MAP3K5: variants seen among roughly 807,000 people sequenced by gnomAD.
MAP3K5 encodes ASK-1.
MAP3K5 carries 56 observed loss-of-function variants against 158.7 expected under a neutral mutation model. The ratio of observed to expected loss-of-function variants is 0.35; its 90% CI spans 0.28 to 0.44. The LOEUF is 0.44. MAP3K5 is among the 20% of genes least tolerant of loss of function. The pLI, the probability that MAP3K5 is intolerant of heterozygous loss-of-function variation, is 1.00. For missense variants in MAP3K5, 1,294 were observed against 1,674.8 expected, an observed-to-expected ratio of 0.77 and a Z score of 3.97; for synonymous variants, 579 against 601.7, an observed-to-expected ratio of 0.96 and a Z score of 0.55.
intron 25 of MAP3K5, among the ~76,000 whole-genome samples, chr6:136,575,274 A>G (rs1483812261): frequency 6.8e-6 from 1 of 147,108 alleles, no homozygotes; most frequent in African/African-American, 2.5e-5. Context: ...TGATCCTCTC[A>G]CCTCAGCCTC....
chr6:136,588,838 T>C (rs1027945711), intron 23 of MAP3K5, among the ~76,000 whole-genome samples: 1 of 152,178 alleles, frequency 6.6e-6, no homozygotes, highest in South Asian at 2.1e-4. Context: ...TCATCCTCCC[T>C]GGACTCAGAG....
chr6:136,613,286 T>A lies in MAP3K5; in HGVS notation c.2279-30A>T, dbSNP rs768290020. The stretch of plus-strand genomic sequence containing the variant: ...AAAGTAGGGATAAATAGTAAATAAA[T>A]CCTCATTCAAATGAGCTCTTTAAAG... On this transcript the variant is annotated intron_variant, in intron 16 of 29. Coordinates refer to ENST00000359015, the MANE Select transcript of MAP3K5 (RefSeq NM_005923.4). The surrounding 1 kb of genome is among the most constrained non-coding windows in gnomAD (Gnocchi z 4.0). 6.3e-7 allele frequency: 1 copy of A among 1,595,454 alleles called. No individual in the cohort carries two copies. Among genetic ancestry groups the A allele is most frequent in the Non-Finnish European group, 8.5e-7 (1 of 1,170,312 alleles).
At chr6:136,588,991 C>T (rs181775152) in intron 23 of MAP3K5, among the ~76,000 whole-genome samples, 3 of 152,194 alleles carry the variant, frequency 2.0e-5, no homozygotes, top group African/African-American at 7.2e-5. Context: ...TGAGGCCCTA[C>T]TGGCACATAT....
chr6:136,702,978 G>A (rs1280851121), intron 3 of MAP3K5, among the ~76,000 whole-genome samples: 3 of 152,160 alleles, frequency 2.0e-5, no homozygotes, highest in Non-Finnish European at 4.4e-5. Context: ...TTACAGGCAT[G>A]AGCCACTGCC....
At chr6:136,718,010 T>C (rs1204211947) in intron 2 of MAP3K5, among the ~76,000 whole-genome samples, 1 of 152,158 alleles carries the variant, frequency 6.6e-6, no homozygotes, top group South Asian at 2.1e-4. Flanking sequence ...TAATTTTAAC[T>C]AGAAGTAACT....
intron 18 of MAP3K5, among the ~76,000 whole-genome samples, chr6:136,610,138 C>G (rs1043750344): frequency 6.6e-6 from 1 of 151,886 alleles, no homozygotes; most frequent in Non-Finnish European, 1.5e-5. Context: ...TTCCCCTTAC[C>G]CTTTTTTTTT....
chr6:136,759,721 C>T (rs1345050483), intron 1 of MAP3K5, among the ~76,000 whole-genome samples: 1 of 150,810 alleles, frequency 6.6e-6, no homozygotes, highest in Non-Finnish European at 1.5e-5. Flanking sequence ...GATCTGCTCA[C>T]CTCAGGATTA....
chr6:136,773,216 C>A (rs948805396), intron 1 of MAP3K5, among the ~76,000 whole-genome samples: 10 of 152,318 alleles, frequency 6.6e-5, no homozygotes, highest in Admixed American at 4.6e-4. Flanking sequence ...CTCATCCCAT[C>A]TGAGGCATGA....
intron 1 of MAP3K5, among the ~76,000 whole-genome samples, chr6:136,728,095 G>T (rs945075406): frequency 1.3e-5 from 2 of 152,102 alleles, no homozygotes; most frequent in Non-Finnish European, 2.9e-5. Flanking sequence ...TTAAGTGGAG[G>T]ATAACACAAG....
At chr6:136,753,494 A>C (rs1465963076) in intron 1 of MAP3K5, among the ~76,000 whole-genome samples, 1 of 151,828 alleles carries the variant, frequency 6.6e-6, no homozygotes, top group South Asian at 2.1e-4. Context: ...CACCACAGAT[A>C]GTATTTTTTT....
At chr6:136,694,104 C>G in intron 7 of MAP3K5, 36 bp downstream of exon 7, 3 of 1,535,370 alleles carry the variant, frequency 2.0e-6, no homozygotes, top group Non-Finnish European at 2.7e-6. Context: ...CATGGATTTA[C>G]TAAGTAAGTA....
rs201678646 is a variant in MAP3K5 at position 136,592,531 on chromosome 6, C to T, written c.2962G>A (p.Asp988Asn). The change falls in exon 22 of 30, where the codon GAC (aspartate) becomes AAC (asparagine). Residue 988 changes from aspartate (D) to asparagine (N), a missense_variant. By Grantham distance (23) the Asp-to-Asn change is conservative. This residue lies in a region of MAP3K5 where 362 missense variants were observed against 463.2 expected (regional missense o/e 0.78). Coordinates refer to ENST00000359015, the MANE Select transcript of MAP3K5 (RefSeq NM_005923.4). ...AAGGGGTCCACTTTCAACTCCGTGT[C>T]GGGTGAAACTGAGCCGTACTCACTG... is the stretch of plus-strand genomic sequence containing the variant. ...SSSEYGSVSP[D>N]TELKVDPFSF... The T allele has an allele frequency of 1.5e-4, 248 of 1,613,908 alleles. 1 individual carries two copies. Among genetic ancestry groups the T allele is most frequent in the African/African-American group, 2.7e-5 (2 of 74,982 alleles).
chr6:136,771,358 GAC>G (rs970473611), intron 1 of MAP3K5, among the ~76,000 whole-genome samples: 18 of 152,086 alleles, frequency 1.2e-4, no homozygotes, highest in Non-Finnish European at 4.4e-5. Flanking sequence ...GTGGGGCTTG[GAC>G]ACCGGACCAG....
intron 1 of MAP3K5, among the ~76,000 whole-genome samples, chr6:136,745,627 A>G (rs530267915): frequency 1.3e-5 from 2 of 152,072 alleles, no homozygotes; most frequent in African/African-American, 4.8e-5. Flanking sequence ...TGGACTCTAA[A>G]AATAAAATTC....
intron 15 of MAP3K5, among the ~76,000 whole-genome samples, chr6:136,620,008 G>A (rs1012064620): frequency 5.3e-5 from 8 of 152,156 alleles, no homozygotes; most frequent in South Asian, 2.1e-4. Flanking sequence ...GGTGGCTCAC[G>A]CCTATAATCC....
chr6:136,620,061 G>A (rs1776734942), intron 15 of MAP3K5, among the ~76,000 whole-genome samples: 1 of 152,194 alleles, frequency 6.6e-6, no homozygotes, highest in East Asian at 1.9e-4. Context: ...CTTGAGGGCA[G>A]GAGTTCGAGA....
intron 1 of MAP3K5, among the ~76,000 whole-genome samples, chr6:136,730,695 C>T (rs1275651830): frequency 6.9e-6 from 1 of 144,522 alleles, no homozygotes; most frequent in Admixed American, 7.1e-5. Context: ...GTACTCCAGC[C>T]TGGGAGATAG....
chr6:136,587,290 C>T (rs1562525890), intron 23 of MAP3K5, among the ~76,000 whole-genome samples: 1 of 152,088 alleles, frequency 6.6e-6, no homozygotes, highest in Non-Finnish European at 1.5e-5. Context: ...ATAATTACTT[C>T]TGATTGATTG....
intron 21 of MAP3K5, among the ~76,000 whole-genome samples, chr6:136,596,193 C>A (rs1002182863): frequency 6.6e-6 from 1 of 152,008 alleles, no homozygotes; most frequent in Non-Finnish European, 1.5e-5. Context: ...GATGAACAGG[C>A]AGCCAAGGAG....
Sources: allele counts gnomAD v4.1 joint callset (sites outside exome capture counted in the v4.1 genomes callset), GRCh38; gene constraint gnomAD v4.1.1; regional missense constraint gnomAD v4.1.1; non-coding constraint Gnocchi (gnomAD v3.1); transcripts MANE v1.5; gene names NCBI Gene and HGNC (gene_info 2026-07-23, HGNC 2026-07-21).